The following GRM7 variants were observed in gnomAD, a reference collection of about 807,000 sequenced individuals.
The protein encoded by GRM7 is metabotropic glutamate receptor 7.
GRM7 carries 35 observed loss-of-function variants against 84.5 expected under a neutral mutation model. That is an observed-to-expected ratio of 0.41 (90% CI 0.32 to 0.55). The LOEUF is 0.55. Among genes scored for constraint, GRM7 ranks in the 20% least tolerant of loss-of-function variants. GRM7 has a pLI of 0.19. For synonymous variants in GRM7, 487 were observed against 455.1 expected, an observed-to-expected ratio of 1.07 and a Z score of -0.89; for missense variants, 1,003 against 1,194.6, an observed-to-expected ratio of 0.84 and a Z score of 2.36.
chr3:7,413,286 C>T (rs1696020709), intron 4 of GRM7, among the ~76,000 whole-genome samples: 1 of 152,254 alleles, frequency 6.6e-6, no homozygotes, highest in South Asian at 2.1e-4. Context: ...CAAGTATATT[C>T]CAAGGCATTG....
intron 1 of GRM7, among the ~76,000 whole-genome samples, chr3:6,883,321 A>G (rs569666391): frequency 6.6e-6 from 1 of 151,974 alleles, no homozygotes; most frequent in African/African-American, 2.4e-5. Context: ...TTTCTTTTTT[A>G]ATTTATAAAT....
chr3:6,956,499 T>C, intron 1 of GRM7: 1 of 452,068 alleles, frequency 2.2e-6, no homozygotes, highest in Admixed American at 2.4e-5. Flanking sequence ...TCTCTTATTA[T>C]TGTATGAGAA....
At chr3:7,651,647 A>G (rs1481389981) in intron 8 of GRM7, among the ~76,000 whole-genome samples, 2 of 152,210 alleles carry the variant, frequency 1.3e-5, no homozygotes, top group African/African-American at 4.8e-5. Context: ...AGGAAATTTC[A>G]ACTAAATCTC....
intron 2 of GRM7, among the ~76,000 whole-genome samples, chr3:7,289,987 C>T (rs1699564280): frequency 1.3e-5 from 2 of 151,264 alleles, no homozygotes; most frequent in Middle Eastern, 3.4e-3. Context: ...TGCACATGTA[C>T]CCTAGAACTT....
intron 3 of GRM7, among the ~76,000 whole-genome samples, chr3:7,303,694 A>G (rs1173537060): frequency 6.6e-6 from 1 of 152,128 alleles, no homozygotes; most frequent in African/African-American, 2.4e-5. Context: ...TGTTGTTGTT[A>G]TAGGCCTTTC....
intron 1 of GRM7, among the ~76,000 whole-genome samples, chr3:6,999,768 A>T (rs1463440929): frequency 6.6e-6 from 1 of 152,026 alleles, no homozygotes; most frequent in Non-Finnish European, 1.5e-5. Flanking sequence ...TCTCATGAGA[A>T]CTCATTCACT....
intron 1 of GRM7, among the ~76,000 whole-genome samples, chr3:7,046,468 A>C (rs960257239): frequency 2.0e-5 from 3 of 152,138 alleles, no homozygotes; most frequent in Non-Finnish European, 4.4e-5. Context: ...TTGAATGTTA[A>C]TATAGTGGGA....
At chr3:7,143,210 C>A (rs541515022) in intron 1 of GRM7, among the ~76,000 whole-genome samples, 4 of 152,188 alleles carry the variant, frequency 2.6e-5, no homozygotes, top group Non-Finnish European at 4.4e-5. Flanking sequence ...CCAGTAGTAG[C>A]ACGCAAAATA....
intron 1 of GRM7, among the ~76,000 whole-genome samples, chr3:6,951,921 G>T (rs181378325): frequency 1.3e-5 from 2 of 152,146 alleles, no homozygotes; most frequent in East Asian, 3.9e-4. Context: ...TTGATAAATT[G>T]TCCCCTTTAT....
chr3:7,603,325 G>A (rs749949135), intron 8 of GRM7, among the ~76,000 whole-genome samples: 8 of 152,236 alleles, frequency 5.3e-5, no homozygotes, highest in African/African-American at 1.9e-4. Context: ...AACCTAAGGG[G>A]AGGAAGGTGA....
intron 4 of GRM7, among the ~76,000 whole-genome samples, chr3:7,321,278 T>C (rs1326333496): frequency 6.6e-6 from 1 of 152,112 alleles, no homozygotes; most frequent in African/African-American, 2.4e-5. Flanking sequence ...CTAGCAAGTT[T>C]TAAATTTAGA....
intron 1 of GRM7, among the ~76,000 whole-genome samples, chr3:7,062,690 T>C (rs1697470591): frequency 6.6e-6 from 1 of 151,748 alleles, no homozygotes; most frequent in African/African-American, 2.4e-5. Flanking sequence ...TAACCCTCTC[T>C]TTCCACATCT....
intron 8 of GRM7, among the ~76,000 whole-genome samples, chr3:7,631,555 C>A (rs9860274): frequency 0.43 from 64,816 of 151,970 alleles, 13,988 homozygotes; most frequent in East Asian, 0.61. Context: ...GAGATACCTG[C>A]CTTCATGAAG....
intron 1 of GRM7, among the ~76,000 whole-genome samples, chr3:7,051,256 C>A (rs1696989663): frequency 6.6e-6 from 1 of 151,756 alleles, no homozygotes; most frequent in Admixed American, 6.6e-5. Flanking sequence ...AAACTCTTTT[C>A]TCATTTGATC....
Position 7,229,743 on chromosome 3 carries a change from ATATATATATATATATAT to A in GRM7, c.737-68939_737-68923del, listed in dbSNP as rs1559514580. 1.3e-3 allele frequency among the ~76,000 whole-genome samples: 57 copies of A among 44,664 alleles called. 5 individuals carry two copies. Among genetic ancestry groups the A allele is most frequent in the Middle Eastern group, 0.011 (1 of 92 alleles). 29.3% of individuals were successfully genotyped at this position (44,664 alleles called of 152,430 possible). A position where few individuals can be genotyped will look rare whatever the true frequency, so the allele number is the denominator to read the frequency against. The stretch of plus-strand genomic sequence containing the variant: ...GACACACACATATATATATATATAT[ATATATATATATATATAT>A]TTTTTTTTTTTTTTGGTTGACAGGT... On this transcript the variant is annotated intron_variant, in intron 2 of 9. Transcript: ENST00000357716.
intron 1 of GRM7, among the ~76,000 whole-genome samples, chr3:6,938,214 G>T (rs1046019309): frequency 1.3e-5 from 2 of 152,176 alleles, no homozygotes; most frequent in African/African-American, 4.8e-5. Flanking sequence ...AACTGAAATT[G>T]CTTGGATTTC....
intron 8 of GRM7, chr3:7,608,068 T>G: frequency 2.7e-6 from 1 of 369,472 alleles, no homozygotes; most frequent in Non-Finnish European, 5.7e-6. Flanking sequence ...TGACTCATGC[T>G]TTTTTATGGC....
intron 8 of GRM7, among the ~76,000 whole-genome samples, chr3:7,622,254 T>A (rs1697394405): frequency 6.6e-6 from 1 of 152,126 alleles, no homozygotes; most frequent in South Asian, 2.1e-4. Flanking sequence ...GGTAGGCACA[T>A]GGGATAAAAA....
chr3:7,333,116 T>G (rs1229529658), intron 4 of GRM7, among the ~76,000 whole-genome samples: 1 of 152,158 alleles, frequency 6.6e-6, no homozygotes, highest in Non-Finnish European at 1.5e-5. Context: ...AAACAACAGC[T>G]AATTCCACTG....
Sources: allele counts gnomAD v4.1 joint callset (sites outside exome capture counted in the v4.1 genomes callset), GRCh38; gene constraint gnomAD v4.1.1; transcripts MANE v1.5; gene names NCBI Gene and HGNC (gene_info 2026-07-23, HGNC 2026-07-21).